FNBP1: variants seen among roughly 807,000 people sequenced by gnomAD.
The protein encoded by FNBP1 is formin binding protein 1.
FNBP1 carries 26 observed loss-of-function variants against 90.6 expected under a neutral mutation model. The observed-to-expected ratio is 0.29, with a 90% CI of 0.21 to 0.40. The LOEUF is 0.40. Among genes scored for constraint, FNBP1 ranks in the 10% least tolerant of loss-of-function variants. The pLI, the probability that FNBP1 is intolerant of heterozygous loss-of-function variation, is 1.00. For synonymous variants in FNBP1, 260 were observed against 265.2 expected (o/e 0.98, Z 0.19); for missense variants, 635 against 768.0 (o/e 0.83, Z 2.05).
At chr9:129,943,850 G>A (rs1008822897) in intron 6 of FNBP1, among the ~76,000 whole-genome samples, 5 of 151,670 alleles carry the variant, frequency 3.3e-5, no homozygotes, top group Non-Finnish European at 7.4e-5. Flanking sequence ...AAAATTAGCC[G>A]GGCGTGGTAT....
At chr9:129,956,784 G>A (rs1328620144) in intron 6 of FNBP1, among the ~76,000 whole-genome samples, 1 of 152,160 alleles carries the variant, frequency 6.6e-6, no homozygotes, top group Non-Finnish European at 1.5e-5. Flanking sequence ...CAACCTTCTG[G>A]AACGTTGTTC....
At chr9:129,946,899 T>C (rs1355445009) in intron 6 of FNBP1, among the ~76,000 whole-genome samples, 3 of 152,332 alleles carry the variant, frequency 2.0e-5, no homozygotes, top group East Asian at 3.9e-4. Context: ...TTCAGAAATA[T>C]TAGTTCACAT....
intron 4 of FNBP1, among the ~76,000 whole-genome samples, chr9:129,965,260 A>G (rs2048383928): frequency 6.6e-6 from 1 of 152,228 alleles, no homozygotes; most frequent in South Asian, 2.1e-4. Context: ...CACACATTCT[A>G]TTTTTACTTA....
At chr9:129,929,475 A>AAATTTGGAATT in intron 7 of FNBP1, 92 bp downstream of exon 7, 1 of 1,209,556 alleles carries the variant, frequency 8.3e-7, no homozygotes, top group South Asian at 1.4e-5. Flanking sequence ...TCAGACTCAG[A>AAATTTGGAATT]ATACAAACCC....
rs143864175 is a variant in FNBP1, at chr9:129,889,873, C to T, written c.*666G>A. 1.5e-3 allele frequency: 345 copies of T among 233,654 alleles called. 1 individual carries two copies. The highest frequency in any genetic ancestry group is 7.5e-3 in the African/African-American group (340 of 45,446). The allele number at this position is 233,654 out of a possible 1,614,324, so 14.5% of individuals were successfully genotyped here. ...TCAAACCAAAATGTGTGTATGCGCA[C>T]GCGTGTGTACTGGTGGGTGTGCCTG... is the stretch of plus-strand genomic sequence containing the variant. On this transcript the variant is annotated 3_prime_UTR_variant, in exon 17 of 17. Transcript: ENST00000446176.
intron 10 of FNBP1, among the ~76,000 whole-genome samples, chr9:129,921,317 C>T (rs1022649953): frequency 1.3e-5 from 2 of 150,858 alleles, no homozygotes; most frequent in African/African-American, 4.9e-5. Flanking sequence ...CCTGGCTGGG[C>T]TCCAGCAATC....
At chr9:129,923,723 T>C in intron 10 of FNBP1, 121 bp downstream of exon 10, 2 of 1,131,440 alleles carry the variant, frequency 1.8e-6, no homozygotes, top group Non-Finnish European at 2.3e-6. Flanking sequence ...TTTTTTTTTT[T>C]TAACTTTTTT....
At chr9:129,951,032 T>C (rs1331489343) in intron 6 of FNBP1, among the ~76,000 whole-genome samples, 1 of 149,868 alleles carries the variant, frequency 6.7e-6, no homozygotes, top group Non-Finnish European at 1.5e-5. Context: ...AGTGCAGCCG[T>C]GCGATCTCGG....
upstream of FNBP1, among the ~76,000 whole-genome samples, chr9:130,047,211 A>G (rs1292009094): frequency 6.6e-6 from 1 of 152,160 alleles, no homozygotes; most frequent in East Asian, 1.9e-4. Context: ...AAGAACACTA[A>G]ATTAAAGGAC....
At chr9:129,909,911 A>G (rs1031860676) in intron 11 of FNBP1, among the ~76,000 whole-genome samples, 1 of 152,200 alleles carries the variant, frequency 6.6e-6, no homozygotes, top group South Asian at 2.1e-4. Flanking sequence ...GCCTTTAGGA[A>G]GCCTCTCAGA....
Position 129,994,186 on chromosome 9 carries a change from C to T in FNBP1, c.140+657G>A, listed in dbSNP as rs73672531. Among the ~76,000 whole-genome samples the T allele has an allele frequency of 7.1e-3, 1,080 of 152,310 alleles. 10 individuals carry two copies. The highest frequency in any genetic ancestry group is 0.025 in the African/African-American group (1,029 of 41,558). ...GAAACAACCAATCACCTAGTCAGAACGGATGAGTTCTGGTGCATTCACAGA... is the reference window on the plus strand; with the variant it reads ...GAAACAACCAATCACCTAGTCAGAATGGATGAGTTCTGGTGCATTCACAGA... On this transcript the variant is annotated intron_variant, in intron 2 of 16. Transcript: ENST00000446176.
chr9:129,895,954 A>G lies in FNBP1; in HGVS notation c.1730T>C (p.Leu577Ser). The G allele has an allele frequency of 1.2e-6, 2 of 1,612,094 alleles. No individual in the cohort carries two copies. The highest frequency in any genetic ancestry group is 1.7e-4 in the Middle Eastern group (1 of 6,058). ...GCCTTTGTCTTCCTCTATGACATAC[A>G]ATGTTTCTCCTTCAACTACGGAAAT... ...GTISVVEGET[L>S]YVIEEDKGDG... The change falls in exon 16 of 17, where the codon TTG becomes TCG. Residue 577 changes from leucine (L) to serine (S), a missense_variant. Coordinates refer to ENST00000446176, the MANE Select transcript of FNBP1 (RefSeq NM_015033.3).
intron 10 of FNBP1, among the ~76,000 whole-genome samples, chr9:129,918,200 C>T (rs2040549348): frequency 6.6e-6 from 1 of 152,090 alleles, no homozygotes; most frequent in Non-Finnish European, 1.5e-5. Flanking sequence ...ATAGGAAATA[C>T]CAAATTCTCA....
At chr9:130,004,273 A>T (rs1439951316) in intron 1 of FNBP1, among the ~76,000 whole-genome samples, 2 of 152,096 alleles carry the variant, frequency 1.3e-5, no homozygotes, top group African/African-American at 2.4e-5. Context: ...GAAAAAAAAA[A>T]AAAGTGTACT....
intron 10 of FNBP1, chr9:129,919,032 C>A: frequency 4.5e-6 from 1 of 220,704 alleles, no homozygotes; most frequent in South Asian, 4.7e-5. Context: ...CCAGTTCTCT[C>A]AATTAAGAAT....
chr9:129,895,209 A>T, intron 16 of FNBP1: 1 of 990,406 alleles, frequency 1.0e-6, no homozygotes, highest in Non-Finnish European at 1.2e-6. Context: ...GGAACAGGGT[A>T]CTCGTGATGC....
At chr9:129,986,098 T>C (rs2052182332) in intron 2 of FNBP1, among the ~76,000 whole-genome samples, 1 of 151,464 alleles carries the variant, frequency 6.6e-6, no homozygotes, top group Non-Finnish European at 1.5e-5. Context: ...ATCGTGCCAC[T>C]GCATTCCAGC....
intron 11 of FNBP1, among the ~76,000 whole-genome samples, chr9:129,911,470 A>C (rs1411297618): frequency 1.3e-5 from 2 of 152,088 alleles, no homozygotes; most frequent in African/African-American, 4.8e-5. Flanking sequence ...TGCTTCAATC[A>C]TGTCTATCTG....
At chr9:129,928,640 G>A (rs1389384449) in intron 7 of FNBP1, among the ~76,000 whole-genome samples, 1 of 147,024 alleles carries the variant, frequency 6.8e-6, no homozygotes, top group Non-Finnish European at 1.5e-5. Flanking sequence ...CAGCCTGGGT[G>A]ACAGAGCAAG....
Sources: allele counts gnomAD v4.1 joint callset (sites outside exome capture counted in the v4.1 genomes callset), GRCh38; gene constraint gnomAD v4.1.1; transcripts MANE v1.5; gene names NCBI Gene and HGNC (gene_info 2026-07-23, HGNC 2026-07-21).